MTSS1: variants seen among roughly 807,000 people sequenced by gnomAD.
MTSS1 encodes protein MTSS 1.
Under a neutral mutation model 79.0 loss-of-function variants are expected in MTSS1, and 18 were observed. That is an observed-to-expected ratio of 0.23 (90% CI 0.16 to 0.34). The LOEUF is 0.34. Among genes scored for constraint, MTSS1 ranks in the 10% least tolerant of loss-of-function variants. The pLI, the probability that MTSS1 is intolerant of heterozygous loss-of-function variation, is 1.00. For missense variants in MTSS1, 815 were observed against 986.2 expected, an observed-to-expected ratio of 0.83 and a Z score of 2.33; for synonymous variants, 341 against 368.6, an observed-to-expected ratio of 0.93 and a Z score of 0.86.
intron 6 of MTSS1, among the ~76,000 whole-genome samples, chr8:124,573,822 G>C (rs1394588917): frequency 3.3e-5 from 5 of 152,188 alleles, no homozygotes; most frequent in African/African-American, 7.2e-5. Flanking sequence ...CCTGGTGCTA[G>C]TTTCCAGGTC....
At chr8:124,726,465 A>G (rs796954844) in intron 1 of MTSS1, among the ~76,000 whole-genome samples, 3 of 152,348 alleles carry the variant, frequency 2.0e-5, no homozygotes, top group African/African-American at 7.2e-5. Flanking sequence ...TTCCTGGGCA[A>G]GCAGAGTCTG....
At chr8:124,558,812 G>A (rs1824604668) in intron 10 of MTSS1, 7 of 1,568,472 alleles carry the variant, frequency 4.5e-6, no homozygotes, top group Admixed American at 1.8e-5. Flanking sequence ...AGGCTTCGGA[G>A]GAGGCCGAGC....
At chr8:124,666,453 A>G (rs1015166680) in intron 3 of MTSS1, among the ~76,000 whole-genome samples, 2 of 152,208 alleles carry the variant, frequency 1.3e-5, no homozygotes, top group Non-Finnish European at 2.9e-5. Flanking sequence ...ATGGAAACAC[A>G]GGAACAAAGA....
chr8:124,634,389 C>T (rs1382573911), intron 3 of MTSS1, among the ~76,000 whole-genome samples: 1 of 151,920 alleles, frequency 6.6e-6, no homozygotes, highest in Non-Finnish European at 1.5e-5. Context: ...CTCAAGTGAT[C>T]CTCCTGCCTT....
At chr8:124,631,715 A>C (rs1187084371) in intron 3 of MTSS1, among the ~76,000 whole-genome samples, 6 of 152,176 alleles carry the variant, frequency 3.9e-5, no homozygotes, top group Admixed American at 3.9e-4. Flanking sequence ...TCTCCAATTC[A>C]AACTGCTTTT....
intron 3 of MTSS1, among the ~76,000 whole-genome samples, chr8:124,647,436 T>G (rs952437646): frequency 6.6e-6 from 1 of 152,250 alleles, no homozygotes. Flanking sequence ...ACGACTAAGA[T>G]ATTTTTTGTA....
intron 3 of MTSS1, among the ~76,000 whole-genome samples, chr8:124,598,449 G>A (rs541925680): frequency 6.6e-6 from 1 of 152,180 alleles, no homozygotes; most frequent in Non-Finnish European, 1.5e-5. Context: ...CGTCCCTGGT[G>A]AGCACTGGCG....
chr8:124,602,943 C>T (rs1303600925), intron 3 of MTSS1, among the ~76,000 whole-genome samples: 3 of 152,228 alleles, frequency 2.0e-5, no homozygotes, highest in East Asian at 1.9e-4. Context: ...AATGACGGAT[C>T]GTCATGGTAA....
chr8:124,591,270 A>T, intron 3 of MTSS1, 35 bp from the exon 4 acceptor site: 1 of 1,563,308 alleles, frequency 6.4e-7, no homozygotes, highest in Non-Finnish European at 8.8e-7. Context: ...TGAGGGATAG[A>T]AGACTAGCAG....
chr8:124,717,259 A>G (rs1832176507), intron 1 of MTSS1, among the ~76,000 whole-genome samples: 1 of 152,104 alleles, frequency 6.6e-6, no homozygotes, highest in Non-Finnish European at 1.5e-5. Flanking sequence ...TGGGAGGCCA[A>G]GGCGGGCAGA....
At chr8:124,663,728 A>G (rs1822526495) in intron 3 of MTSS1, among the ~76,000 whole-genome samples, 1 of 152,100 alleles carries the variant, frequency 6.6e-6, no homozygotes. Flanking sequence ...CCCTCTGTCC[A>G]TTCCCGTGTC....
intron 3 of MTSS1, among the ~76,000 whole-genome samples, chr8:124,677,229 AC>A (rs1310256289): frequency 6.6e-6 from 1 of 152,216 alleles, no homozygotes; most frequent in Non-Finnish European, 1.5e-5. Flanking sequence ...CTTAAATTTT[AC>A]CAAAGGCAAG....
chr8:124,671,379 C>A (rs1439172281), intron 3 of MTSS1, among the ~76,000 whole-genome samples: 1 of 152,094 alleles, frequency 6.6e-6, no homozygotes, highest in African/African-American at 2.4e-5. Context: ...TGATGGGGCC[C>A]CTCTTGCTAG....
intron 3 of MTSS1, among the ~76,000 whole-genome samples, chr8:124,649,105 C>G (rs1819509118): frequency 6.6e-6 from 1 of 152,252 alleles, no homozygotes. Context: ...CAAGAGCTGG[C>G]AAACTATGGC....
intron 3 of MTSS1, among the ~76,000 whole-genome samples, chr8:124,596,199 G>A (rs77372329): frequency 0.019 from 2,902 of 152,240 alleles, 99 homozygotes; most frequent in African/African-American, 0.066. Flanking sequence ...CTTATTTTTA[G>A]AGCCACTTTG....
intron 3 of MTSS1, among the ~76,000 whole-genome samples, chr8:124,670,202 A>G (rs1823861795): frequency 6.6e-6 from 1 of 152,212 alleles, no homozygotes; most frequent in South Asian, 2.1e-4. Context: ...GGCGGTCAGA[A>G]AAGGCCCTCC....
In MTSS1 at chr8:124,683,236, G is replaced by A. The variant is rs1029644864; in HGVS notation, c.208+16290C>T. ...TAATGTTTAACATGTGGTTAAAAAG[G>A]AAGCAGCCCACAATTTTAAAAAAAT... On this transcript the variant is annotated intron_variant, in intron 3 of 13. Coordinates refer to ENST00000518547, the MANE Select transcript of MTSS1 (RefSeq NM_014751.6). The surrounding 1 kb of genome is among the most constrained non-coding windows in gnomAD (Gnocchi z 4.5). Among the ~76,000 whole-genome samples, 1 of 151,826 alleles carries A rather than the reference G, an allele frequency of 6.6e-6. No individual in the cohort carries two copies. The highest frequency in any genetic ancestry group is 1.5e-5 in the Non-Finnish European group (1 of 67,968).
intron 10 of MTSS1, among the ~76,000 whole-genome samples, chr8:124,558,343 T>G (rs1824481786): frequency 6.6e-6 from 1 of 151,712 alleles, no homozygotes; most frequent in South Asian, 2.1e-4. Context: ...GGGTGCAAAC[T>G]AAAAAGCGGA....
At chr8:124,692,521 A>C (rs182289934) in intron 3 of MTSS1, among the ~76,000 whole-genome samples, 35 of 152,344 alleles carry the variant, frequency 2.3e-4, no homozygotes, top group African/African-American at 7.9e-4. Flanking sequence ...ACTCAGGAGC[A>C]AACAAGAGCA....
Sources: gnomAD v4.1 joint callset for allele counts (sites outside exome capture counted in the v4.1 genomes callset) on GRCh38, gnomAD v4.1.1 for gene constraint, Gnocchi (gnomAD v3.1) non-coding constraint, MANE v1.5 for transcripts, NCBI Gene and HGNC (gene_info 2026-07-23, HGNC 2026-07-21) for gene names.